Variants in TRAPPC9 observed in about 807,000 individuals in gnomAD.
TRAPPC9 encodes the protein IKK2 binding protein.
TRAPPC9 carries 83 observed loss-of-function variants against 124.0 expected under a neutral mutation model. The ratio of observed to expected loss-of-function variants is 0.67; its 90% CI spans 0.56 to 0.80. TRAPPC9 has a LOEUF of 0.80. Among genes scored for constraint, TRAPPC9 ranks in the 30% least tolerant of loss-of-function variants. TRAPPC9 has a pLI of 0.00. For synonymous variants in TRAPPC9, 638 were observed against 617.5 expected (o/e 1.03, Z -0.49); for missense variants, 1,302 against 1,508.3 (o/e 0.86, Z 2.27).
intron 19 of TRAPPC9, among the ~76,000 whole-genome samples, chr8:139,971,498 G>T (rs975875532): frequency 6.6e-6 from 1 of 152,096 alleles, no homozygotes; most frequent in African/African-American, 2.4e-5. Flanking sequence ...CTGCACCCAG[G>T]CTGGCTGGAG....
intron 8 of TRAPPC9, among the ~76,000 whole-genome samples, chr8:140,364,558 A>C (rs531068358): frequency 6.6e-6 from 1 of 152,252 alleles, no homozygotes; most frequent in Admixed American, 6.5e-5. Context: ...TCTGAGGTCT[A>C]ATCTCTCCTC....
intron 17 of TRAPPC9, among the ~76,000 whole-genome samples, chr8:140,069,624 C>T (rs1309012372): frequency 6.6e-6 from 1 of 152,152 alleles, no homozygotes; most frequent in East Asian, 1.9e-4. Context: ...AACCATAAGC[C>T]ACCAGAAATG....
At chr8:140,080,518 A>G (rs1315949075) in intron 17 of TRAPPC9, among the ~76,000 whole-genome samples, 1 of 152,270 alleles carries the variant, frequency 6.6e-6, no homozygotes, top group African/African-American at 2.4e-5. Context: ...ACCAGAGGGC[A>G]TATGCAAAGA....
intron 21 of TRAPPC9, among the ~76,000 whole-genome samples, chr8:139,753,171 C>G (rs1819472920): frequency 6.6e-6 from 1 of 151,292 alleles, no homozygotes; most frequent in Non-Finnish European, 1.5e-5. Context: ...ACCATCCATC[C>G]ATCCATCCAA....
At chr8:140,269,312 C>A (rs982947325) in intron 15 of TRAPPC9, among the ~76,000 whole-genome samples, 3 of 151,568 alleles carry the variant, frequency 2.0e-5, no homozygotes, top group African/African-American at 7.3e-5. Context: ...GAGACTGAGG[C>A]GGGCAGATCA....
At chr8:140,184,771 A>G (rs1413217372) in intron 17 of TRAPPC9, among the ~76,000 whole-genome samples, 1 of 152,174 alleles carries the variant, frequency 6.6e-6, no homozygotes, top group East Asian at 1.9e-4. Context: ...ACATATACAG[A>G]AAATCACACA....
intron 5 of TRAPPC9, among the ~76,000 whole-genome samples, chr8:140,421,896 C>T (rs1180610829): frequency 7.1e-6 from 1 of 141,202 alleles, no homozygotes; most frequent in Non-Finnish European, 1.5e-5. Context: ...CAGAAATTAA[C>T]TGATAGCAAT....
chr8:139,738,731 G>C (rs1181939399), intron 21 of TRAPPC9, among the ~76,000 whole-genome samples: 1 of 152,188 alleles, frequency 6.6e-6, no homozygotes, highest in Non-Finnish European at 1.5e-5. Flanking sequence ...ACAGGTAGGG[G>C]TCTGAGGACA....
intron 20 of TRAPPC9, among the ~76,000 whole-genome samples, chr8:139,893,231 T>C (rs749540498): frequency 6.6e-6 from 1 of 152,216 alleles, no homozygotes; most frequent in African/African-American, 2.4e-5. Flanking sequence ...TCTGTTTTCA[T>C]AGTGGACTTG....
At chr8:139,925,513 C>T (rs946606297) in intron 19 of TRAPPC9, among the ~76,000 whole-genome samples, 8 of 151,966 alleles carry the variant, frequency 5.3e-5, no homozygotes, top group African/African-American at 1.7e-4. Context: ...TTTGGGAGGC[C>T]GAGGCGGGCA....
chr8:140,120,570 A>ACATC (rs1170369788), intron 17 of TRAPPC9, among the ~76,000 whole-genome samples: 3 of 149,958 alleles, frequency 2.0e-5, no homozygotes, highest in African/African-American at 7.4e-5. Flanking sequence ...CATCCATCCA[A>ACATC]CATCCATCCA....
At chr8:139,921,191 C>T (rs1225108870) in intron 19 of TRAPPC9, among the ~76,000 whole-genome samples, 1 of 152,208 alleles carries the variant, frequency 6.6e-6, no homozygotes, top group Non-Finnish European at 1.5e-5. Flanking sequence ...TCTCACCATA[C>T]CACGCGACTC....
chr8:140,012,870 C>A (rs146461209), intron 18 of TRAPPC9, among the ~76,000 whole-genome samples: 1 of 152,110 alleles, frequency 6.6e-6, no homozygotes, highest in African/African-American at 2.4e-5. Context: ...AGAGGGTCAC[C>A]GTAAGTTCTG....
At position 140,015,038 on chromosome 8, in the gene TRAPPC9, C is replaced by G. The variant is rs149649520; in HGVS notation, c.2699+8899G>C. 2.6e-3 allele frequency among the ~76,000 whole-genome samples: 390 copies of G among 152,376 alleles called. 1 individual carries two copies. Among genetic ancestry groups the G allele is most frequent in the Middle Eastern group, 6.8e-3 (2 of 294 alleles). ...AACAGACTACCCCAGGAGTAAATAA[C>G]TCACATCCATTTGTATTTTGGTTTC... On this transcript the variant is annotated intron_variant, in intron 18 of 22. Transcript: ENST00000438773.
intron 9 of TRAPPC9, among the ~76,000 whole-genome samples, chr8:140,354,955 C>T (rs1220328690): frequency 1.3e-5 from 2 of 152,166 alleles, no homozygotes; most frequent in Non-Finnish European, 2.9e-5. Context: ...CTCCAATTAA[C>T]CAAATATCAT....
intron 17 of TRAPPC9, among the ~76,000 whole-genome samples, chr8:140,137,588 G>A (rs1322479888): frequency 1.3e-5 from 2 of 152,170 alleles, no homozygotes; most frequent in Non-Finnish European, 1.5e-5. Context: ...ACTGCGGCAG[G>A]ATCTCCCACA....
In TRAPPC9 at chr8:140,122,023, T is replaced by TCTCTC. The variant is rs1563777112; in HGVS notation, c.2557-97945_2557-97944insGAGAG. Among the ~76,000 whole-genome samples, 306 of 138,522 alleles carry TCTCTC rather than the reference T, an allele frequency of 2.2e-3. 6 individuals carry two copies. The highest frequency in any genetic ancestry group is 8.3e-3 in the South Asian group (34 of 4,112). 90.9% of individuals were successfully genotyped at this position (138,522 alleles called of 152,430 possible). ...GGAGTCCATCTCTTTCTTTCTTTCT[T>TCTCTC]TCTCTCTCTCTCTCTCTCTCTCTCT... On this transcript the variant is annotated intron_variant, in intron 17 of 22. Coordinates refer to ENST00000438773, the MANE Select transcript of TRAPPC9 (RefSeq NM_001160372.4).
chr8:140,301,479 C>A (rs79223840), intron 10 of TRAPPC9, among the ~76,000 whole-genome samples: 4,930 of 152,298 alleles, frequency 0.032, 122 homozygotes, highest in South Asian at 0.045. Flanking sequence ...TGTCGCAAAT[C>A]CGATGGCTGG....
At chr8:140,117,224 G>C (rs188436845) in intron 17 of TRAPPC9, among the ~76,000 whole-genome samples, 1 of 152,172 alleles carries the variant, frequency 6.6e-6, no homozygotes, top group Non-Finnish European at 1.5e-5. Context: ...GTAGACTGGT[G>C]TAAGGATAAA....
Sources: allele counts gnomAD v4.1 joint callset (sites outside exome capture counted in the v4.1 genomes callset), GRCh38; gene constraint gnomAD v4.1.1; transcripts MANE v1.5; gene names NCBI Gene and HGNC (gene_info 2026-07-23, HGNC 2026-07-21).